The following MNAT1 variants were observed in gnomAD, a reference collection of about 807,000 sequenced individuals.
The protein encoded by MNAT1 is MNAT1 component of CDK activating kinase.
MNAT1 carries 43 observed loss-of-function variants against 42.0 expected under a neutral mutation model. The observed-to-expected ratio is 1.02, with a 90% CI of 0.80 to 1.32. The LOEUF is 1.32. Among genes scored for constraint, MNAT1 ranks in the 40% most tolerant of loss-of-function variants. The probability of loss-of-function intolerance (pLI) is 0.00; values close to 1 mark genes in which losing one functional copy is unlikely to be tolerated. For missense variants in MNAT1, 306 were observed against 350.4 expected, an observed-to-expected ratio of 0.87 and a Z score of 1.01; for synonymous variants, 118 against 120.0, an observed-to-expected ratio of 0.98 and a Z score of 0.11.
intron 6 of MNAT1, among the ~76,000 whole-genome samples, chr14:60,863,311 G>A (rs1418147570): frequency 6.6e-6 from 1 of 152,042 alleles, no homozygotes; most frequent in Non-Finnish European, 1.5e-5. Flanking sequence ...TGTACTTCAT[G>A]ACTCTTTTCT....
At chr14:60,918,172 T>C (rs1373963881) in intron 7 of MNAT1, among the ~76,000 whole-genome samples, 1 of 148,352 alleles carries the variant, frequency 6.7e-6, no homozygotes, top group East Asian at 2.0e-4. Flanking sequence ...GAACACCAGT[T>C]AGAAGGATCA....
At chr14:60,774,549 A>C (rs894522483) in intron 1 of MNAT1, among the ~76,000 whole-genome samples, 8 of 152,218 alleles carry the variant, frequency 5.3e-5, no homozygotes, top group Admixed American at 3.9e-4. Context: ...TGTTCTGTAG[A>C]GACTACATTT....
intron 5 of MNAT1, among the ~76,000 whole-genome samples, chr14:60,816,102 C>T (rs1219534011): frequency 1.3e-5 from 2 of 151,994 alleles, no homozygotes; most frequent in Non-Finnish European, 2.9e-5. Context: ...AATCTCTGGA[C>T]CTAATTTACA....
At chr14:60,955,103 G>T (rs1314662270) in intron 7 of MNAT1, among the ~76,000 whole-genome samples, 4 of 151,902 alleles carry the variant, frequency 2.6e-5, no homozygotes, top group African/African-American at 9.7e-5. Flanking sequence ...GTTGATTTTG[G>T]TTTGCTAATA....
At chr14:60,861,538 A>G (rs1228287380) in intron 6 of MNAT1, among the ~76,000 whole-genome samples, 1 of 146,684 alleles carries the variant, frequency 6.8e-6, no homozygotes, top group East Asian at 2.0e-4. Context: ...ATTAAAAAAA[A>G]TCAGTTTAAT....
At chr14:60,874,520 TTCTA>T (rs1328085505) in intron 6 of MNAT1, among the ~76,000 whole-genome samples, 1 of 152,192 alleles carries the variant, frequency 6.6e-6, no homozygotes, top group African/African-American at 2.4e-5. Context: ...TTTCTTCCTA[TTCTA>T]TCTTTTTCTC....
intron 1 of MNAT1, among the ~76,000 whole-genome samples, chr14:60,762,220 T>C (rs1353095966): frequency 6.6e-6 from 1 of 152,160 alleles, no homozygotes; most frequent in Non-Finnish European, 1.5e-5. Flanking sequence ...CATCCCAAAA[T>C]CTCAGGAGGA....
At position 60,968,510 on chromosome 14, in the gene MNAT1, T is replaced by C. The variant is rs1263570107; in HGVS notation, c.*161T>C. The C allele has an allele frequency of 6.8e-7, 1 of 1,475,450 alleles. No homozygotes were observed. The highest frequency in any genetic ancestry group is 1.4e-5 in the African/African-American group (1 of 70,810). 91.4% of individuals were successfully genotyped at this position (1,475,450 alleles called of 1,614,324 possible). On this transcript the variant is annotated 3_prime_UTR_variant, in exon 8 of 8. Transcript: ENST00000261245. ...AAAATTTCAGAACTAAGTTGAGTAA[T>C]ATAGGGGATATATATTTGTGAAAAA... is the stretch of plus-strand genomic sequence containing the variant.
chr14:60,750,199 G>A (rs2030014847), intron 1 of MNAT1, among the ~76,000 whole-genome samples: 2 of 151,576 alleles, frequency 1.3e-5, no homozygotes. Flanking sequence ...CTTCTTTTGA[G>A]TCATTAAAAA....
intron 1 of MNAT1, among the ~76,000 whole-genome samples, chr14:60,770,034 C>G (rs2030992228): frequency 6.6e-6 from 1 of 152,106 alleles, no homozygotes; most frequent in Non-Finnish European, 1.5e-5. Flanking sequence ...TGCAATGAAT[C>G]TCTAGAACTT....
intron 6 of MNAT1, among the ~76,000 whole-genome samples, chr14:60,821,166 G>A (rs1566780809): frequency 6.6e-6 from 1 of 152,100 alleles, no homozygotes; most frequent in East Asian, 1.9e-4. Flanking sequence ...TTTTAATATA[G>A]AGACAGGGTC....
At chr14:60,822,390 A>T (rs762904190) in intron 6 of MNAT1, among the ~76,000 whole-genome samples, 6 of 152,176 alleles carry the variant, frequency 3.9e-5, no homozygotes, top group Non-Finnish European at 8.8e-5. Context: ...CATTGTGGCA[A>T]AGTTGCTTCA....
intron 1 of MNAT1, among the ~76,000 whole-genome samples, chr14:60,795,850 A>G (rs1346655457): frequency 6.6e-6 from 1 of 152,178 alleles, no homozygotes; most frequent in African/African-American, 2.4e-5. Flanking sequence ...CCCCTGGCAG[A>G]GGCTTCTCTT....
intron 7 of MNAT1, among the ~76,000 whole-genome samples, chr14:60,888,309 ATC>A (rs2034735586): frequency 1.3e-5 from 2 of 152,014 alleles, no homozygotes; most frequent in Admixed American, 6.5e-5. Context: ...CAAATCAATA[ATC>A]ATAATCCAGC....
At chr14:60,809,078 A>T (rs916548574) in intron 4 of MNAT1, 19 of 152,144 alleles carry the variant, frequency 1.2e-4, no homozygotes, top group Non-Finnish European at 1.3e-4. Flanking sequence ...GTATTCTATA[A>T]AGAAAAAATT....
chr14:60,765,361 G>A (rs2030772271), intron 1 of MNAT1, among the ~76,000 whole-genome samples: 1 of 152,144 alleles, frequency 6.6e-6, no homozygotes, highest in Non-Finnish European at 1.5e-5. Context: ...ATCACACACT[G>A]GGGCCTGTCG....
chr14:60,751,484 T>C (rs1461609084), intron 1 of MNAT1, among the ~76,000 whole-genome samples: 1 of 152,092 alleles, frequency 6.6e-6, no homozygotes, highest in Non-Finnish European at 1.5e-5. Flanking sequence ...ATTGATGATA[T>C]ATAAGCAATG....
In MNAT1 at chr14:60,879,714, G is replaced by T. The variant is rs765969291; in HGVS notation, c.688G>T (p.Gly230Cys). 1 of 1,610,460 alleles carries T rather than the reference G, an allele frequency of 6.2e-7. No homozygotes were observed. The highest frequency in any genetic ancestry group is 8.5e-7 in the Non-Finnish European group (1 of 1,178,286). The change falls in exon 7 of 8, where the codon GGT (glycine) becomes TGT (cysteine). Residue 230 changes from glycine to cysteine, a missense_variant and splice_region_variant. Around this residue, in one of 3 missense-constraint regions of MNAT1, gnomAD observed 116 missense variants for 139.6 expected, o/e 0.83. Transcript: ENST00000261245. ...TTAAGTTCCTTCATTTTTCTAACAG[G>T]GTCAACATATTTCACTGGCACCTAT... ...PVTFSTGIKM[G>C]QHISLAPIHK...
intron 3 of MNAT1, among the ~76,000 whole-genome samples, chr14:60,798,451 A>G (rs113937595): frequency 5.9e-5 from 9 of 152,314 alleles, no homozygotes; most frequent in South Asian, 2.1e-4. Context: ...TGTTGATAAC[A>G]TATTAGAGTA....
Sources: allele counts gnomAD v4.1 joint callset (sites outside exome capture counted in the v4.1 genomes callset), GRCh38; gene constraint gnomAD v4.1.1; regional missense constraint gnomAD v4.1.1; transcripts MANE v1.5; gene names NCBI Gene and HGNC (gene_info 2026-07-23, HGNC 2026-07-21).